The following PKNOX1 variants were observed in gnomAD, a reference collection of about 807,000 sequenced individuals.
PKNOX1 encodes the protein homeobox protein PKNOX1.
In PKNOX1, 15 loss-of-function variants were observed where a neutral mutation model predicts 51.9. The ratio of observed to expected loss-of-function variants is 0.29; its 90% CI spans 0.19 to 0.45. The LOEUF (loss-of-function observed/expected upper bound fraction) is 0.45, where lower values mean the gene tolerates loss of function less well. Among genes scored for constraint, PKNOX1 ranks in the 20% least tolerant of loss-of-function variants. The pLI, the probability that PKNOX1 is intolerant of heterozygous loss-of-function variation, is 1.00. For synonymous variants in PKNOX1, 219 were observed against 211.1 expected (o/e 1.04, Z -0.32); for missense variants, 462 against 547.5 (o/e 0.84, Z 1.56).
rs2059017918 is a variant in PKNOX1, at chr21:42,979,858, C to T, written c.-57+5194C>T. On this transcript the variant is annotated intron_variant, in intron 1 of 10. Transcript: ENST00000291547. Reference sequence around the variant, plus strand: ...CTTCTGGCACGCTGCTTTCTTACCCCATCAGTGAAGGATGCTTTTCACTTC... The same window carrying T: ...CTTCTGGCACGCTGCTTTCTTACCCTATCAGTGAAGGATGCTTTTCACTTC... 1.3e-5 allele frequency among the ~76,000 whole-genome samples: 2 copies of T among 152,374 alleles called. 1 individual carries two copies. The highest frequency in any genetic ancestry group is 4.1e-4 in the South Asian group (2 of 4,830).
chr21:42,991,769 T>C lies in PKNOX1; in HGVS notation c.-56-12557T>C, dbSNP rs369879287. On this transcript the variant is annotated intron_variant, in intron 1 of 10. Coordinates refer to ENST00000291547, the MANE Select transcript of PKNOX1 (RefSeq NM_004571.5). ...AAACAAACCAAAAAAACAAATTGTA[T>C]TGTACATCCTAGCAGGGTAAATCCT... Among the ~76,000 whole-genome samples, 8 of 152,044 alleles carry C rather than the reference T, an allele frequency of 5.3e-5. No homozygotes were observed. The South Asian group carries it at 6.2e-4, about 12-fold the overall frequency.
intron 1 of PKNOX1, among the ~76,000 whole-genome samples, chr21:42,975,137 C>T (rs888673543): frequency 3.5e-5 from 5 of 144,020 alleles, no homozygotes; most frequent in Admixed American, 3.4e-4. Context: ...GCGGGCGGCG[C>T]GCGTGGGGCC....
chr21:42,984,974 C>CTT (rs71195904), intron 1 of PKNOX1, among the ~76,000 whole-genome samples: 1,288 of 58,018 alleles, frequency 0.022, 101 homozygotes, highest in Non-Finnish European at 0.029. Context: ...ATTTTCTTTT[C>CTT]TTTTTTTTTT....
chr21:43,013,745 C>G (rs1159835468), intron 5 of PKNOX1, among the ~76,000 whole-genome samples: 2 of 152,144 alleles, frequency 1.3e-5, no homozygotes, highest in African/African-American at 4.8e-5. Context: ...TACTGTCTGT[C>G]TCTGTGAATT....
At chr21:43,028,916 G>T in intron 10 of PKNOX1, 42 bp downstream of exon 10, 1 of 1,600,544 alleles carries the variant, frequency 6.2e-7, no homozygotes, top group Non-Finnish European at 8.6e-7. Flanking sequence ...GGACCATGGG[G>T]TGGGGATTAT....
chr21:43,024,582 T>G, intron 8 of PKNOX1: 7 of 351,660 alleles, frequency 2.0e-5, no homozygotes, highest in South Asian at 1.5e-4. Flanking sequence ...ACCGCTGGAC[T>G]GCATAGCTGC....
chr21:42,980,139 G>A (rs35460353), intron 1 of PKNOX1, among the ~76,000 whole-genome samples: 5,789 of 152,264 alleles, frequency 0.038, 140 homozygotes, highest in Middle Eastern at 0.061. Flanking sequence ...TTGGGAGGCC[G>A]AGGTGGGTGG....
Position 43,021,586 on chromosome 21 carries a change from G to A in PKNOX1, c.849+155G>A, listed in dbSNP as rs1047115134. On this transcript the variant is annotated intron_variant, in intron 8 of 10. Transcript: ENST00000291547. The surrounding 1 kb of genome is among the most constrained non-coding windows in gnomAD (Gnocchi z 4.6). ...CATGTCCATAATGTGGGGAGCGTGG[G>A]GCACTGCTGCAGGGAACTTGAAGGG... 6.6e-6 allele frequency among the ~76,000 whole-genome samples: 1 copy of A among 152,226 alleles called. No individual in the cohort carries two copies. The highest frequency in any genetic ancestry group is 2.4e-5 in the African/African-American group (1 of 41,464).
rs900955776 is a variant in PKNOX1 at position 43,030,053 on chromosome 21, T to G, written c.1263T>G (p.Pro421=). ...STEEDAGALA[P]AHISGLVLEN... ...AGGAGGATGCGGGTGCCCTGGCCCCTGCCCACATCAGCGGGCTGGTCTTGG... is the reference window on the plus strand; with the variant it reads ...AGGAGGATGCGGGTGCCCTGGCCCCGGCCCACATCAGCGGGCTGGTCTTGG... Residue 421 remains proline (P), a synonymous_variant, in exon 11 of 11, where the codon CCT becomes CCG. Transcript: ENST00000291547. 3.1e-6 allele frequency: 5 copies of G among 1,611,694 alleles called. No homozygotes were observed. The African/African-American group carries it at 5.3e-5, about 17-fold the overall frequency.
At position 42,987,649 on chromosome 21, in the gene PKNOX1, C is replaced by T. The variant is rs373213537; in HGVS notation, c.-57+12985C>T. ...TTTTTTTTTTTTGAGATGGAGTCTT[C>T]GCTCTTTCACCCGGGCTGGAGTGCA... On this transcript the variant is annotated intron_variant, in intron 1 of 10. Coordinates refer to ENST00000291547, the MANE Select transcript of PKNOX1 (RefSeq NM_004571.5). Among the ~76,000 whole-genome samples, 8 of 138,818 alleles carry T rather than the reference C, an allele frequency of 5.8e-5. No individual in the cohort carries two copies. In the South Asian group the frequency reaches 9.1e-4, roughly 16 times the overall value. The allele number at this position is 138,818 out of a possible 152,430, so 91.1% of individuals were successfully genotyped here.
Position 43,033,240 on chromosome 21 carries a change from C to T in PKNOX1, c.*3139C>T, listed in dbSNP as rs1247594447. 6.6e-6 allele frequency: 1 copy of T among 152,176 alleles called. No homozygotes were observed. Among genetic ancestry groups the T allele is most frequent in the Non-Finnish European group, 1.5e-5 (1 of 68,052 alleles). 9.4% of individuals were successfully genotyped at this position (152,176 alleles called of 1,614,324 possible). A position where few individuals can be genotyped will look rare whatever the true frequency, so the allele number is the denominator to read the frequency against. ...TGAGTGGAAGTGTTTATCGAGCATG[C>T]AAAAGAAACCCTCACGGCTAAGGGC... is the stretch of plus-strand genomic sequence containing the variant. On this transcript the variant is annotated 3_prime_UTR_variant, in exon 11 of 11. Coordinates refer to ENST00000291547, the MANE Select transcript of PKNOX1 (RefSeq NM_004571.5).
intron 1 of PKNOX1, among the ~76,000 whole-genome samples, chr21:43,001,956 G>C (rs375397142): frequency 9.2e-6 from 1 of 108,688 alleles, no homozygotes; most frequent in Non-Finnish European, 1.9e-5. Flanking sequence ...GCAAGACTCC[G>C]TCTCAAATAA....
At chr21:43,028,610 T>C in intron 9 of PKNOX1, 92 bp from the exon 10 acceptor site, 1 of 1,186,840 alleles carries the variant, frequency 8.4e-7, no homozygotes, top group Non-Finnish European at 1.2e-6. Context: ...GCGTGCTTCG[T>C]AGAGCAGCGT....
chr21:43,010,057 C>T lies in PKNOX1; in HGVS notation c.184C>T (p.Pro62Ser), dbSNP rs1979181310. The change falls in exon 4 of 11, where the codon CCA becomes TCA. Residue 62 changes from proline (P) to serine (S), a missense_variant. Physicochemically the swap from Pro to Ser is moderately conservative, Grantham distance 74. This residue lies in a region of PKNOX1 where 129 missense variants were observed against 133.4 expected (regional missense o/e 0.97). Coordinates refer to ENST00000291547, the MANE Select transcript of PKNOX1 (RefSeq NM_004571.5). Reference protein sequence around the residue: ...DVDKQAIYRHPLFPLLALLFE... With the variant: ...DVDKQAIYRHSLFPLLALLFE... ...TTTTTTTTCTTTTCTCCTCAGGCAT[C>T]CACTATTTCCATTATTAGCTTTGTT... is the stretch of plus-strand genomic sequence containing the variant. 6.5e-7 allele frequency: 1 copy of T among 1,549,142 alleles called. No individual in the cohort carries two copies. Among genetic ancestry groups the T allele is most frequent in the Non-Finnish European group, 8.7e-7 (1 of 1,150,700 alleles).
intron 9 of PKNOX1, among the ~76,000 whole-genome samples, chr21:43,025,740 G>A (rs1271163758): frequency 1.3e-5 from 2 of 152,168 alleles, no homozygotes; most frequent in South Asian, 2.1e-4. Context: ...CATAAAAGAA[G>A]AAAGCACAAA....
Position 43,000,732 on chromosome 21 carries a change from T to A in PKNOX1, c.-56-3594T>A, listed in dbSNP as rs199780786. ...CAAGACTTCATCTCTACAAAAAATT[T>A]AAAAAGCCAGCATGGTGGTGTGGGC... On this transcript the variant is annotated intron_variant, in intron 1 of 10. Coordinates refer to ENST00000291547, the MANE Select transcript of PKNOX1 (RefSeq NM_004571.5). Among the ~76,000 whole-genome samples the A allele has an allele frequency of 5.8e-5, 8 of 139,050 alleles. No homozygotes were observed. In the South Asian group the frequency reaches 7.0e-4, roughly 12 times the overall value. 91.2% of individuals were successfully genotyped at this position (139,050 alleles called of 152,430 possible). A position where few individuals can be genotyped will look rare whatever the true frequency, so the allele number is the denominator to read the frequency against.
rs1320218009 is a variant in PKNOX1 at position 43,008,442 on chromosome 21, C to T, written c.179+824C>T. ...AATATGTAAAAAGAATAATACGTAG[C>T]GACCAAGTCAAGTTTTTCCTGGGAA... is the stretch of plus-strand genomic sequence containing the variant. On this transcript the variant is annotated intron_variant, in intron 3 of 10. Transcript: ENST00000291547. 2.0e-5 allele frequency among the ~76,000 whole-genome samples: 3 copies of T among 152,140 alleles called. 1 individual carries two copies. The highest frequency in any genetic ancestry group is 4.1e-4 in the South Asian group (2 of 4,826).
chr21:42,987,408 T>A lies in PKNOX1; in HGVS notation c.-57+12744T>A, dbSNP rs371205724. On this transcript the variant is annotated intron_variant, in intron 1 of 10. Transcript: ENST00000291547. ...AAAAAAAAAAAAAAAAAAAAAAATA[T>A]ATATATATATATATATATATGTATA... 2.5e-3 allele frequency among the ~76,000 whole-genome samples: 257 copies of A among 101,622 alleles called. 1 individual carries two copies. Among genetic ancestry groups the A allele is most frequent in the African/African-American group, 6.5e-3 (163 of 25,246 alleles). The allele number at this position is 101,622 out of a possible 152,430, so 66.7% of individuals were successfully genotyped here.
chr21:43,007,628 G>T lies in PKNOX1; in HGVS notation c.179+10G>T. On this transcript the variant is annotated intron_variant, in intron 3 of 10. Coordinates refer to ENST00000291547, the MANE Select transcript of PKNOX1 (RefSeq NM_004571.5). ...AGCAGGCCATTTATAGGTAGTGCCC[G>T]GGGTGCCGGCTGTGGGGGCCTCAGA... is the stretch of plus-strand genomic sequence containing the variant. 6.2e-7 allele frequency: 1 copy of T among 1,613,992 alleles called. No individual in the cohort carries two copies. Among genetic ancestry groups the T allele is most frequent in the African/African-American group, 1.3e-5 (1 of 75,032 alleles).
Sources: allele counts gnomAD v4.1 joint callset (sites outside exome capture counted in the v4.1 genomes callset), GRCh38; gene constraint gnomAD v4.1.1; regional missense constraint gnomAD v4.1.1; non-coding constraint Gnocchi (gnomAD v3.1); transcripts MANE v1.5; gene names NCBI Gene and HGNC (gene_info 2026-07-23, HGNC 2026-07-21).